The following HYLS1 variants were observed in gnomAD, a reference collection of about 807,000 sequenced individuals.
HYLS1 encodes the protein HYLS1 centriolar and ciliogenesis associated.
In HYLS1, 25 loss-of-function variants were observed where a neutral mutation model predicts 29.4. The observed-to-expected ratio is 0.85, with a 90% CI of 0.62 to 1.19. HYLS1 has a LOEUF of 1.19. Ranked by LOEUF, HYLS1 falls within the 50% of genes most tolerant of loss-of-function variation. The pLI is 0.00. For missense variants in HYLS1, 352 were observed against 365.1 expected (o/e 0.96, Z 0.29); for synonymous variants, 128 against 126.7 (o/e 1.01, Z -0.07).
upstream of HYLS1, among the ~76,000 whole-genome samples, chr11:125,885,831 G>C (rs1398963588): frequency 6.6e-6 from 1 of 152,142 alleles, no homozygotes; most frequent in African/African-American, 2.4e-5. Flanking sequence ...AGTCTCACAA[G>C]AGCGTGAACC....
chr11:125,894,196 A>C (rs1394078846), intron 2 of HYLS1: 1 of 1,613,964 alleles, frequency 6.2e-7, no homozygotes. Context: ...GTAGGTGGGT[A>C]ATATTGAACT....
At chr11:125,890,204 C>T (rs1368814962) in intron 1 of HYLS1, among the ~76,000 whole-genome samples, 1 of 152,092 alleles carries the variant, frequency 6.6e-6, no homozygotes, top group Non-Finnish European at 1.5e-5. Context: ...CCTCAGCCTC[C>T]AAAGTGCTGG....
Position 125,891,734 on chromosome 11 carries a change from A to G in HYLS1, c.-26+262A>G, listed in dbSNP as rs185823542. On this transcript the variant is annotated intron_variant, in intron 2 of 2. Coordinates refer to ENST00000425380, the MANE Select transcript of HYLS1 (RefSeq NM_001134793.2). ...AAATCTTAAGTAATTTGTACCACTA[A>G]TTCCCCATCTCTAAAATGGGGTATT... Among the ~76,000 whole-genome samples the G allele has an allele frequency of 5.2e-3, 791 of 152,310 alleles. 2 individuals are homozygous for G. The highest frequency in any genetic ancestry group is 7.7e-3 in the Non-Finnish European group (523 of 68,026).
Position 125,895,704 on chromosome 11 carries a change from G to T in HYLS1, c.-25-3640G>T, listed in dbSNP as rs762492486. ...AATGTGGGTATAACGGATCTCTTCA[G>T]CAGCAGCATTAGCCTCCTCTTTTAC... On this transcript the variant is annotated intron_variant, in intron 2 of 2. Transcript: ENST00000425380. 5.0e-6 allele frequency: 8 copies of T among 1,613,884 alleles called. No homozygotes were observed. The highest frequency in any genetic ancestry group is 4.5e-5 in the East Asian group (2 of 44,898).
At chr11:125,895,547 T>TA in intron 2 of HYLS1, 1 of 1,614,194 alleles carries the variant, frequency 6.2e-7, no homozygotes, top group Non-Finnish European at 8.5e-7. Context: ...AATCCATGGT[T>TA]ACAATATCTA....
chr11:125,894,379 G>C (rs781437406), intron 2 of HYLS1: 141 of 993,290 alleles, frequency 1.4e-4, no homozygotes, highest in Non-Finnish European at 1.9e-4. Flanking sequence ...AGGGAGCCGG[G>C]TAGGGCGCCA....
chr11:125,896,907 T>G (rs1693135275), intron 2 of HYLS1, among the ~76,000 whole-genome samples: 1 of 152,222 alleles, frequency 6.6e-6, no homozygotes, highest in Admixed American at 6.5e-5. Context: ...AGACAAGATT[T>G]TCTCACTTTA....
chr11:125,900,473 TAAATC>T lies in HYLS1; in HGVS notation c.*207_*211del, dbSNP rs1591509021. On this transcript the variant is annotated 3_prime_UTR_variant, in exon 3 of 3. Transcript: ENST00000425380. ...CCACTCAAATCCAGCAATTGCAAGA[TAAATC>T]ATATCAGAGAAAGAACAACAGACCT... is the stretch of plus-strand genomic sequence containing the variant. The T allele has an allele frequency of 1.7e-5, 10 of 575,430 alleles. No homozygotes were observed. Among genetic ancestry groups the T allele is most frequent in the South Asian group, 2.0e-5 (1 of 49,114 alleles). The allele number at this position is 575,430 out of a possible 1,614,324, so 35.6% of individuals were successfully genotyped here. A position where few individuals can be genotyped will look rare whatever the true frequency, so the allele number is the denominator to read the frequency against.
chr11:125,894,237 C>G (rs760980403), intron 2 of HYLS1: 2 of 1,613,046 alleles, frequency 1.2e-6, no homozygotes. Context: ...ATCCACTTGA[C>G]ATTTTCAAAC....
chr11:125,897,213 T>A (rs993489483), intron 2 of HYLS1, among the ~76,000 whole-genome samples: 2 of 152,198 alleles, frequency 1.3e-5, no homozygotes, highest in Non-Finnish European at 2.9e-5. Flanking sequence ...ATAGGTAGCT[T>A]AGTTTTTTAC....
chr11:125,891,419 C>T lies in HYLS1; in HGVS notation c.-75-4C>T, dbSNP rs56713748. 1 of 48,574 alleles carries T rather than the reference C, an allele frequency of 2.1e-5. No individual in the cohort carries two copies. The highest frequency in any genetic ancestry group is 5.5e-5 in the African/African-American group (1 of 18,330). The allele number at this position is 48,574 out of a possible 1,614,324, so 3.0% of individuals were successfully genotyped here. A position where few individuals can be genotyped will look rare whatever the true frequency, so the allele number is the denominator to read the frequency against. ...TTTTTTTAAACTCTATTCTTCTTTTCTAGGTTTTTTTTTTACTTGAATGTA... is the reference window on the plus strand; with the variant it reads ...TTTTTTTAAACTCTATTCTTCTTTTTTAGGTTTTTTTTTTACTTGAATGTA... On this transcript the variant is annotated splice_polypyrimidine_tract_variant and splice_region_variant and intron_variant, in intron 1 of 2. Transcript: ENST00000425380.
chr11:125,898,236 G>T (rs921873023), intron 2 of HYLS1, among the ~76,000 whole-genome samples: 3 of 152,110 alleles, frequency 2.0e-5, no homozygotes, highest in African/African-American at 4.8e-5. Context: ...AGTTTAAAAA[G>T]AAAAATAGTG....
At chr11:125,885,002 T>C (rs997551445), upstream of HYLS1, among the ~76,000 whole-genome samples, 7 of 152,136 alleles carry the variant, frequency 4.6e-5, no homozygotes, top group African/African-American at 1.7e-4. Context: ...TTAAATCAGA[T>C]CTAAGAAAAA....
chr11:125,898,195 TAA>T (rs1199634696), intron 2 of HYLS1, among the ~76,000 whole-genome samples: 2 of 152,158 alleles, frequency 1.3e-5, no homozygotes, highest in Non-Finnish European at 2.9e-5. Flanking sequence ...AATCCTTGCT[TAA>T]AATTATCATG....
chr11:125,884,018 G>A (rs1489667728), upstream of HYLS1: 2 of 152,210 alleles, frequency 1.3e-5, no homozygotes, highest in East Asian at 3.8e-4. Context: ...CAATCAAAAG[G>A]TAAGGAAGCC....
rs1466598774 is a variant in HYLS1, at chr11:125,900,315, T to C, written c.*47T>C. On this transcript the variant is annotated 3_prime_UTR_variant, in exon 3 of 3. Coordinates refer to ENST00000425380, the MANE Select transcript of HYLS1 (RefSeq NM_001134793.2). ...AGGATTGTTTGAGATAACCTAGCTC[T>C]TTATATCTTCCCTTTTAAATAGAAA... is the stretch of plus-strand genomic sequence containing the variant. 6.4e-7 allele frequency: 1 copy of C among 1,555,802 alleles called. No individual in the cohort carries two copies. The highest frequency in any genetic ancestry group is 2.2e-5 in the East Asian group (1 of 44,580).
intron 1 of HYLS1, among the ~76,000 whole-genome samples, chr11:125,889,519 A>G (rs910357371): frequency 6.6e-6 from 1 of 152,106 alleles, no homozygotes; most frequent in Admixed American, 6.6e-5. Flanking sequence ...GGATCACTTG[A>G]GATTGGGAGT....
chr11:125,886,784 GC>G (rs1944312188), upstream of HYLS1, among the ~76,000 whole-genome samples: 1 of 151,476 alleles, frequency 6.6e-6, no homozygotes, highest in African/African-American at 2.4e-5. Context: ...GGTGGTGCTC[GC>G]CCGTAATCCC....
intron 2 of HYLS1, among the ~76,000 whole-genome samples, chr11:125,894,474 G>C (rs1944514300): frequency 6.6e-6 from 1 of 152,108 alleles, no homozygotes; most frequent in Non-Finnish European, 1.5e-5. Flanking sequence ...AATGAAAAAT[G>C]CAACAAATCA....
Sources: gnomAD v4.1 joint callset for allele counts (sites outside exome capture counted in the v4.1 genomes callset) on GRCh38, gnomAD v4.1.1 for gene constraint, MANE v1.5 for transcripts, NCBI Gene and HGNC (gene_info 2026-07-23, HGNC 2026-07-21) for gene names.